NSD2: variants seen among roughly 807,000 people sequenced by gnomAD.
The protein encoded by NSD2 is nuclear receptor binding SET domain protein 2.
A neutral mutation model predicts 139.0 loss-of-function variants in NSD2; 12 were observed. The observed-to-expected ratio is 0.09, with a 90% CI of 0.06 to 0.14. The LOEUF is 0.14. Ranked by LOEUF, NSD2 falls within the 10% of genes least tolerant of loss-of-function variation. The pLI, the probability that NSD2 is intolerant of heterozygous loss-of-function variation, is 1.00. For synonymous variants in NSD2, 669 were observed against 648.7 expected (o/e 1.03, Z -0.48); for missense variants, 1,155 against 1,745.0 (o/e 0.66, Z 6.02).
At chr4:1,901,807 A>G (rs997138098) in intron 2 of NSD2, among the ~76,000 whole-genome samples, 7 of 152,218 alleles carry the variant, frequency 4.6e-5, no homozygotes, top group Non-Finnish European at 8.8e-5. Context: ...CCTGAGGCCT[A>G]GGGATGTGTC....
At chr4:1,894,960 C>T (rs1716058986) in intron 1 of NSD2, among the ~76,000 whole-genome samples, 1 of 152,212 alleles carries the variant, frequency 6.6e-6, no homozygotes, top group Admixed American at 6.5e-5. Context: ...CCCCCAGTTT[C>T]TGGCACTCAC....
At chr4:1,945,995 G>A in intron 9 of NSD2, 1 of 1,046,864 alleles carries the variant, frequency 9.6e-7, no homozygotes, top group Non-Finnish European at 1.2e-6. Flanking sequence ...TACAGACCAG[G>A]TGAGAGCCCT....
At chr4:1,931,385 G>A (rs1257303800) in intron 6 of NSD2, among the ~76,000 whole-genome samples, 2 of 152,224 alleles carry the variant, frequency 1.3e-5, no homozygotes, top group African/African-American at 2.4e-5. Flanking sequence ...GTGGCAAGAG[G>A]AGGGAGAGCT....
intron 11 of NSD2, chr4:1,952,615 C>A: frequency 2.6e-6 from 2 of 782,494 alleles, no homozygotes; most frequent in Non-Finnish European, 3.3e-6. Context: ...GGTCACCGAA[C>A]ACTGAAGTCC....
chr4:1,941,455 C>T, intron 9 of NSD2: 1 of 1,047,868 alleles, frequency 9.5e-7, no homozygotes, highest in Non-Finnish European at 1.2e-6. Context: ...GGGTCGAGGC[C>T]TGCCCATGAG....
chr4:1,957,402 G>A (rs972865164), intron 15 of NSD2, among the ~76,000 whole-genome samples: 9 of 150,982 alleles, frequency 6.0e-5, no homozygotes, highest in Non-Finnish European at 1.3e-4. Context: ...TCCTGCCTCA[G>A]TCTCCCAAGT....
intron 5 of NSD2, among the ~76,000 whole-genome samples, chr4:1,925,559 C>T (rs1186252827): frequency 7.3e-5 from 11 of 150,588 alleles, no homozygotes; most frequent in Admixed American, 4.0e-4. Flanking sequence ...CCACCACATC[C>T]GGCTAATTTT....
chr4:1,902,627 C>T (rs13148597), intron 2 of NSD2, among the ~76,000 whole-genome samples: 18,566 of 152,076 alleles, frequency 0.12, 1,550 homozygotes, highest in East Asian at 0.22. Flanking sequence ...TGTTTTGAGA[C>T]AGGGTCTTGG....
chr4:1,975,186 C>G, intron 19 of NSD2, 108 bp from the exon 20 acceptor site: 2 of 1,404,016 alleles, frequency 1.4e-6, no homozygotes, highest in Non-Finnish European at 2.0e-6. Context: ...CAAGCCAGTA[C>G]AGATACAAAA....
chr4:1,961,210 C>T (rs2108977083), intron 18 of NSD2, 59 bp downstream of exon 18: 1 of 1,418,628 alleles, frequency 7.0e-7, no homozygotes, highest in Non-Finnish European at 9.8e-7. Context: ...CCCTGATGGT[C>T]ACCTGTAGAA....
intron 2 of NSD2, among the ~76,000 whole-genome samples, 170 bp from the exon 3 acceptor site, chr4:1,904,046 T>G (rs1427218681): frequency 6.6e-6 from 1 of 152,170 alleles, no homozygotes; most frequent in Non-Finnish European, 1.5e-5. Context: ...AGAGACAAAA[T>G]TTTGATGAAA....
chr4:1,872,585 T>TGA (rs1178307959), intron 1 of NSD2, among the ~76,000 whole-genome samples: 81 of 56,556 alleles, frequency 1.4e-3, no homozygotes, highest in African/African-American at 3.7e-3. Context: ...TGTGTGTGTG[T>TGA]GTGTGTGAGA....
At chr4:1,940,296 A>G (rs1159023669) in intron 9 of NSD2, 1 of 1,073,234 alleles carries the variant, frequency 9.3e-7, no homozygotes, top group Non-Finnish European at 1.1e-6. Context: ...ATTCTGGCAC[A>G]TTTTTAGTTA....
intron 5 of NSD2, among the ~76,000 whole-genome samples, chr4:1,921,781 CAAAAA>C (rs748895885): frequency 3.1e-5 from 2 of 64,986 alleles, no homozygotes; most frequent in Admixed American, 1.8e-4. Context: ...GACTCTGTCT[CAAAAA>C]AAAAAAAAAA....
chr4:1,947,191 G>T (rs2108925704), intron 9 of NSD2: 1 of 1,064,350 alleles, frequency 9.4e-7, no homozygotes, highest in African/African-American at 1.6e-5. Context: ...CTGTGGGATG[G>T]CCGCTGCTCA....
chr4:1,967,061 C>T (rs1413802779), intron 18 of NSD2, among the ~76,000 whole-genome samples: 1 of 152,060 alleles, frequency 6.6e-6, no homozygotes, highest in Non-Finnish European at 1.5e-5. Flanking sequence ...AAAAGACTCA[C>T]ATAACTAAAA....
At chr4:1,872,633 A>AGAGAGAGAGAGAGC (rs1203166315) in intron 1 of NSD2, among the ~76,000 whole-genome samples, 23 of 131,090 alleles carry the variant, frequency 1.8e-4, no homozygotes, top group South Asian at 1.0e-3. Flanking sequence ...AGAGAGAGAG[A>AGAGAGAGAGAGAGC]GAGCGCGCAG....
rs371486720 is a variant in NSD2, at chr4:1,882,556, C to G, written c.-30+11014C>G. ...GCGGGCGCCTGTAGTCCCAGCTACT[C>G]GGGAGGCTGAGGCAGGAGAATGGTG... is the stretch of plus-strand genomic sequence containing the variant. On this transcript the variant is annotated intron_variant, in intron 1 of 21. Transcript: ENST00000508803. Among the ~76,000 whole-genome samples the G allele has an allele frequency of 4.6e-3, 700 of 152,170 alleles. 6 individuals carry two copies. The highest frequency in any genetic ancestry group is 0.016 in the African/African-American group (678 of 41,506).
At chr4:1,909,460 T>G (rs924028199) in intron 3 of NSD2, among the ~76,000 whole-genome samples, 1 of 152,098 alleles carries the variant, frequency 6.6e-6, no homozygotes, top group Non-Finnish European at 1.5e-5. Flanking sequence ...GGGTCCATTT[T>G]TGATTCTCCA....
Sources: allele counts gnomAD v4.1 joint callset (sites outside exome capture counted in the v4.1 genomes callset), GRCh38; gene constraint gnomAD v4.1.1; transcripts MANE v1.5; gene names NCBI Gene and HGNC (gene_info 2026-07-23, HGNC 2026-07-21).